VKORC1L1: variants seen among roughly 807,000 people sequenced by gnomAD.
VKORC1L1 encodes the protein vitamin K epoxide reductase complex subunit 1-like protein 1.
VKORC1L1 carries 2 observed loss-of-function variants against 18.9 expected under a neutral mutation model. The ratio of observed to expected loss-of-function variants is 0.11; its 90% confidence interval spans 0.04 to 0.33. The LOEUF (loss-of-function observed/expected upper bound fraction) is 0.33, where lower values mean the gene tolerates loss of function less well. VKORC1L1 is among the 10% of genes least tolerant of loss of function. The pLI is 1.00. For synonymous variants in VKORC1L1, 96 were observed against 100.0 expected (o/e 0.96, Z 0.24); for missense variants, 123 against 224.1 (o/e 0.55, Z 2.88).
chr7:65,877,441 G>A (rs533114364), intron 1 of VKORC1L1, among the ~76,000 whole-genome samples: 1 of 151,704 alleles, frequency 6.6e-6, no homozygotes, highest in African/African-American at 2.4e-5. Context: ...TCCACCTCCC[G>A]GGTTCAAGCG....
chr7:65,896,602 C>CTCTTCCTTTTCT (rs1265032849), intron 1 of VKORC1L1, among the ~76,000 whole-genome samples: 1 of 138,230 alleles, frequency 7.2e-6, no homozygotes, highest in African/African-American at 2.6e-5. Flanking sequence ...TTCCCTTTTC[C>CTCTTCCTTTTCT]TCTTCCTTTT....
intron 1 of VKORC1L1, among the ~76,000 whole-genome samples, chr7:65,922,503 C>CT (rs1277782687): frequency 1.3e-5 from 2 of 152,190 alleles, no homozygotes; most frequent in Non-Finnish European, 2.9e-5. Flanking sequence ...AGGCTGGACT[C>CT]TAACTCTTGG....
At chr7:65,919,025 A>G (rs1483571438) in intron 1 of VKORC1L1, among the ~76,000 whole-genome samples, 7 of 152,118 alleles carry the variant, frequency 4.6e-5, no homozygotes, top group Non-Finnish European at 8.8e-5. Flanking sequence ...AATCCAGGAG[A>G]TGAAGGTTGC....
chr7:65,934,191 T>TGG (rs1789903908), intron 1 of VKORC1L1, among the ~76,000 whole-genome samples: 1 of 151,958 alleles, frequency 6.6e-6, no homozygotes, highest in African/African-American at 2.4e-5. Flanking sequence ...AGGCCAGAAG[T>TGG]TCAAGACCAG....
At chr7:65,940,165 C>T (rs978204281) in intron 1 of VKORC1L1, among the ~76,000 whole-genome samples, 7 of 152,050 alleles carry the variant, frequency 4.6e-5, no homozygotes, top group African/African-American at 1.7e-4. Flanking sequence ...GCTGGGGCTA[C>T]AGGTGTGTGC....
chr7:65,919,270 C>T (rs1268133470), intron 1 of VKORC1L1, among the ~76,000 whole-genome samples: 5 of 151,684 alleles, frequency 3.3e-5, no homozygotes, highest in Non-Finnish European at 7.4e-5. Context: ...TCAAAGGTTA[C>T]TTGTTGATGT....
chr7:65,928,659 T>A (rs1789806746), intron 1 of VKORC1L1, among the ~76,000 whole-genome samples: 1 of 152,238 alleles, frequency 6.6e-6, no homozygotes, highest in South Asian at 2.1e-4. Context: ...ACAATTGTGT[T>A]GCTTACGTGT....
In VKORC1L1 at chr7:65,955,847, G is replaced by A. The variant is rs891575260; in HGVS notation, c.*1547G>A. The A allele has an allele frequency of 6.6e-6, 1 of 152,186 alleles. No individual in the cohort carries two copies. The highest frequency in any genetic ancestry group is 1.5e-5 in the Non-Finnish European group (1 of 68,030). The allele number at this position is 152,186 out of a possible 1,614,324, so 9.4% of individuals were successfully genotyped here. On this transcript the variant is annotated 3_prime_UTR_variant, in exon 3 of 3. Transcript: ENST00000360768. ...TCAATGAGACCAGTATCTCTTGAGTGCTTTATTTGCCTTCTCTTTGAAGGG... is the reference window on the plus strand; with the variant it reads ...TCAATGAGACCAGTATCTCTTGAGTACTTTATTTGCCTTCTCTTTGAAGGG...
At chr7:65,935,626 T>G (rs1429451938) in intron 1 of VKORC1L1, among the ~76,000 whole-genome samples, 6 of 152,148 alleles carry the variant, frequency 3.9e-5, no homozygotes, top group African/African-American at 1.4e-4. Context: ...TGGTTTCTGA[T>G]GCAAAATTGG....
chr7:65,936,788 G>A (rs1200618739), intron 1 of VKORC1L1, among the ~76,000 whole-genome samples: 1 of 152,158 alleles, frequency 6.6e-6, no homozygotes, highest in Admixed American at 6.6e-5. Flanking sequence ...TCTCTTGCTA[G>A]AAAGATGGGT....
In VKORC1L1 at chr7:65,951,508, A is replaced by T. The variant is rs993393395; in HGVS notation, c.305-2566A>T. On this transcript the variant is annotated intron_variant, in intron 2 of 2. Coordinates refer to ENST00000360768, the MANE Select transcript of VKORC1L1 (RefSeq NM_173517.6). Reference sequence around the variant, plus strand: ...AGAATTGTTTGAACCTGGGAGACAGAGGTTGCAGTGAGCTAATGTCGCACC... The same window carrying T: ...AGAATTGTTTGAACCTGGGAGACAGTGGTTGCAGTGAGCTAATGTCGCACC... Among the ~76,000 whole-genome samples the T allele has an allele frequency of 3.3e-5, 5 of 151,972 alleles. No individual in the cohort carries two copies. In the East Asian group the frequency reaches 9.6e-4, roughly 29 times the overall value.
At chr7:65,897,620 G>A (rs1361620891) in intron 1 of VKORC1L1, among the ~76,000 whole-genome samples, 1 of 151,698 alleles carries the variant, frequency 6.6e-6, no homozygotes, top group African/African-American at 2.4e-5. Flanking sequence ...AAATTGTGGT[G>A]TTAGAAGTCA....
intron 1 of VKORC1L1, among the ~76,000 whole-genome samples, chr7:65,877,333 A>G (rs918093027): frequency 6.6e-6 from 1 of 152,078 alleles, no homozygotes; most frequent in Non-Finnish European, 1.5e-5. Context: ...GTGCAAGAGA[A>G]ACTAATGCAG....
At chr7:65,885,373 A>T (rs1488586356) in intron 1 of VKORC1L1, among the ~76,000 whole-genome samples, 2 of 151,940 alleles carry the variant, frequency 1.3e-5, no homozygotes, top group African/African-American at 2.4e-5. Flanking sequence ...ATGTCTTTAC[A>T]TAGAAGTGTT....
Position 65,883,338 on chromosome 7 carries a change from A to G in VKORC1L1, c.194+9773A>G, listed in dbSNP as rs199687237. 4.2e-4 allele frequency among the ~76,000 whole-genome samples: 64 copies of G among 151,846 alleles called. No homozygotes were observed. The East Asian group carries it at 7.0e-3, about 17-fold the overall frequency. On this transcript the variant is annotated intron_variant, in intron 1 of 2. Transcript: ENST00000360768. ...TTGTGTGTGTATATTTTTAGTAGAG[A>G]CGGGGTTTCACCATGTTGGTCAGGC...
chr7:65,916,860 C>T (rs915145430), intron 1 of VKORC1L1, among the ~76,000 whole-genome samples: 1 of 152,034 alleles, frequency 6.6e-6, no homozygotes, highest in African/African-American at 2.4e-5. Flanking sequence ...GGCCTCCCAA[C>T]GTGCTGGGAT....
At chr7:65,913,860 T>A (rs1420544166) in intron 1 of VKORC1L1, among the ~76,000 whole-genome samples, 2 of 152,104 alleles carry the variant, frequency 1.3e-5, no homozygotes, top group Non-Finnish European at 2.9e-5. Flanking sequence ...TCTGAGTAGT[T>A]CTTTTGGTGT....
At chr7:65,933,839 A>G (rs1475902771) in intron 1 of VKORC1L1, among the ~76,000 whole-genome samples, 2 of 152,162 alleles carry the variant, frequency 1.3e-5, no homozygotes, top group Non-Finnish European at 2.9e-5. Flanking sequence ...TGGTAGCTCT[A>G]GAGATTACAG....
At chr7:65,939,619 G>A (rs974559691) in intron 1 of VKORC1L1, among the ~76,000 whole-genome samples, 3 of 152,228 alleles carry the variant, frequency 2.0e-5, no homozygotes, top group African/African-American at 7.2e-5. Context: ...CAAGGTGGCT[G>A]TGGTGGTTGC....
Sources: allele counts gnomAD v4.1 joint callset (sites outside exome capture counted in the v4.1 genomes callset), GRCh38; gene constraint gnomAD v4.1.1; transcripts MANE v1.5; gene names NCBI Gene and HGNC (gene_info 2026-07-23, HGNC 2026-07-21).